SETBP1: variants seen among roughly 807,000 people sequenced by gnomAD.
The protein encoded by SETBP1 is SET-binding protein.
A neutral mutation model predicts 101.0 loss-of-function variants in SETBP1; 9 were observed. That is an observed-to-expected ratio of 0.09 (90% confidence interval 0.05 to 0.16). The LOEUF (loss-of-function observed/expected upper bound fraction) is 0.16. Ranked by LOEUF, SETBP1 falls within the 10% of genes least tolerant of loss-of-function variation. The probability of loss-of-function intolerance (pLI) is 1.00; values close to 1 mark genes in which losing one functional copy is unlikely to be tolerated. For synonymous variants in SETBP1, 818 were observed against 788.5 expected (o/e 1.04, Z -0.63); for missense variants, 1,858 against 2,033.8 (o/e 0.91, Z 1.66).
chr18:44,929,254 G>T (rs551465118), intron 3 of SETBP1, among the ~76,000 whole-genome samples: 1 of 152,090 alleles, frequency 6.6e-6, no homozygotes, highest in Non-Finnish European at 1.5e-5. Flanking sequence ...TAGATGTGTG[G>T]TATTATTTCC....
chr18:44,706,870 C>T (rs1029117356), intron 2 of SETBP1, among the ~76,000 whole-genome samples: 3 of 152,146 alleles, frequency 2.0e-5, no homozygotes, highest in African/African-American at 7.2e-5. Context: ...CTAGTTTCCT[C>T]ACCTGCCAAA....
chr18:44,734,754 T>C (rs2069926911), intron 2 of SETBP1, among the ~76,000 whole-genome samples: 2 of 152,222 alleles, frequency 1.3e-5, no homozygotes, highest in Admixed American at 1.3e-4. Context: ...CCTGGCAAAA[T>C]GTGTCCCTCC....
At chr18:44,680,573 G>A (rs1451679913), upstream of SETBP1, among the ~76,000 whole-genome samples, 1 of 152,186 alleles carries the variant, frequency 6.6e-6, no homozygotes, top group Non-Finnish European at 1.5e-5. Flanking sequence ...GGGCCGAGGG[G>A]GCGGGATGCC....
intron 2 of SETBP1, among the ~76,000 whole-genome samples, chr18:44,785,677 C>T (rs1484782782): frequency 6.6e-6 from 1 of 152,180 alleles, no homozygotes; most frequent in Admixed American, 6.5e-5. Context: ...ATTGTTCCAT[C>T]TCCTTGCTGA....
At chr18:44,727,507 G>T (rs968870891) in intron 2 of SETBP1, among the ~76,000 whole-genome samples, 2 of 152,104 alleles carry the variant, frequency 1.3e-5, no homozygotes, top group Non-Finnish European at 2.9e-5. Context: ...GACAGTAGGT[G>T]GACACTGTCT....
At chr18:44,685,552 C>A (rs572595739) in intron 1 of SETBP1, among the ~76,000 whole-genome samples, 1 of 152,132 alleles carries the variant, frequency 6.6e-6, no homozygotes, top group Admixed American at 6.5e-5. Context: ...CCCTGTACTT[C>A]CCAGTTAAAT....
intron 2 of SETBP1, among the ~76,000 whole-genome samples, chr18:44,808,188 A>G (rs1434004378): frequency 2.0e-5 from 3 of 152,162 alleles, no homozygotes; most frequent in Non-Finnish European, 2.9e-5. Context: ...ATCTATCCAC[A>G]CGATTGTAAA....
At chr18:45,020,258 T>TA (rs57134217) in intron 4 of SETBP1, among the ~76,000 whole-genome samples, 577 of 53,066 alleles carry the variant, frequency 0.011, 82 homozygotes, top group Middle Eastern at 0.027. Context: ...GACTCTGTCT[T>TA]AAAAAAAAAA....
intron 2 of SETBP1, among the ~76,000 whole-genome samples, chr18:44,801,044 C>T (rs147790318): frequency 6.6e-6 from 1 of 152,222 alleles, no homozygotes; most frequent in African/African-American, 2.4e-5. Flanking sequence ...AAAAACCAAA[C>T]ACTGCATGTT....
At chr18:44,722,026 A>T (rs1179931571) in intron 2 of SETBP1, among the ~76,000 whole-genome samples, 1 of 152,112 alleles carries the variant, frequency 6.6e-6, no homozygotes, top group Non-Finnish European at 1.5e-5. Context: ...GTGAGAGGGC[A>T]TCTGCGTGGA....
At position 44,953,177 on chromosome 18, in the gene SETBP1, C is replaced by T. The variant is rs779580303; in HGVS notation, c.3837C>T (p.Asp1279=). The T allele has an allele frequency of 2.9e-5, 46 of 1,613,906 alleles. No individual in the cohort carries two copies. The highest frequency in any genetic ancestry group is 3.7e-5 in the Non-Finnish European group (44 of 1,180,024). ...DGGSTRSENL[D]VFSEMNPSND... is the part of the protein sequence containing the mutation. ...GCAGCACGAGATCAGAGAACCTGGA[C>T]GTGTTCAGTGAAATGAACCCTTCGA... The change falls in exon 4 of 6, where the codon GAC becomes GAT. Residue 1279 remains aspartate, a synonymous_variant. Coordinates refer to ENST00000649279, the MANE Select transcript of SETBP1 (RefSeq NM_015559.3).
At chr18:44,879,324 T>C (rs985269928) in intron 3 of SETBP1, among the ~76,000 whole-genome samples, 2 of 152,224 alleles carry the variant, frequency 1.3e-5, no homozygotes, top group Admixed American at 1.3e-4. Context: ...GTACTAGCTG[T>C]GTGACCTCTG....
intron 4 of SETBP1, among the ~76,000 whole-genome samples, chr18:44,997,311 C>G (rs1445807315): frequency 6.6e-6 from 1 of 152,166 alleles, no homozygotes; most frequent in Admixed American, 6.5e-5. Flanking sequence ...ACTGCACTCT[C>G]CAGCAAGCAC....
At position 44,689,326 on chromosome 18, in the gene SETBP1, T is replaced by C. The variant is rs575684108; in HGVS notation, c.-173+8305T>C. On this transcript the variant is annotated intron_variant, in intron 1 of 5. Coordinates refer to ENST00000649279, the MANE Select transcript of SETBP1 (RefSeq NM_015559.3). ...GAAGATGAAGGTCAGAAGGCTGACA[T>C]TGAGGGGCAGACACCCCCATAGCAG... 9.9e-5 allele frequency among the ~76,000 whole-genome samples: 15 copies of C among 152,282 alleles called. No individual in the cohort carries two copies. The South Asian group carries it at 2.7e-3, about 27-fold the overall frequency.
chr18:44,875,460 G>A (rs775627334), intron 3 of SETBP1, among the ~76,000 whole-genome samples: 1 of 141,724 alleles, frequency 7.1e-6, no homozygotes, highest in African/African-American at 2.6e-5. Context: ...GGAGGTTGCC[G>A]AGATCGGGGA....
rs1015729910 is a variant in SETBP1, at chr18:45,063,864, T to C, written c.*166T>C. On this transcript the variant is annotated 3_prime_UTR_variant, in exon 6 of 6. Transcript: ENST00000649279. ...ACGACGGGGCTGAGCCATCAGGAGC[T>C]CTTGGGAAAGCAAAGCAGGGAGACA... is the stretch of plus-strand genomic sequence containing the variant. 1.4e-6 allele frequency: 1 copy of C among 709,658 alleles called. No homozygotes were observed. The highest frequency in any genetic ancestry group is 2.3e-6 in the Non-Finnish European group (1 of 436,266). The allele number at this position is 709,658 out of a possible 1,614,324, so 44.0% of individuals were successfully genotyped here. A position where few individuals can be genotyped will look rare whatever the true frequency, so the allele number is the denominator to read the frequency against.
intron 2 of SETBP1, among the ~76,000 whole-genome samples, chr18:44,735,054 AT>A (rs1187269911): frequency 1.3e-5 from 2 of 152,240 alleles, no homozygotes; most frequent in Non-Finnish European, 2.9e-5. Flanking sequence ...ACTTAGAGAT[AT>A]TCACTAATAT....
At chr18:44,788,177 T>C (rs1244150627) in intron 2 of SETBP1, among the ~76,000 whole-genome samples, 1 of 151,986 alleles carries the variant, frequency 6.6e-6, no homozygotes, top group Non-Finnish European at 1.5e-5. Context: ...GAAAAGCCAT[T>C]CCTGATGGTC....
intron 2 of SETBP1, among the ~76,000 whole-genome samples, chr18:44,844,598 C>G (rs1361682851): frequency 1.6e-4 from 24 of 152,174 alleles, no homozygotes; most frequent in Admixed American, 1.6e-3. Flanking sequence ...TTGGATTGCT[C>G]CAAAGCCTCC....
Sources: gnomAD v4.1 joint callset for allele counts (sites outside exome capture counted in the v4.1 genomes callset) on GRCh38, gnomAD v4.1.1 for gene constraint, MANE v1.5 for transcripts, NCBI Gene and HGNC (gene_info 2026-07-23, HGNC 2026-07-21) for gene names.